RBFOX3: variants seen among roughly 807,000 people sequenced by gnomAD.
The protein encoded by RBFOX3 is RNA binding fox-1 homolog 3, also known as RNA binding protein fox-1 homolog 3.
Under a neutral mutation model 48.7 loss-of-function variants are expected in RBFOX3, and 17 were observed. That is an observed-to-expected ratio of 0.35 (90% CI 0.24 to 0.52). The LOEUF is 0.52. Ranked by LOEUF, RBFOX3 falls within the 20% of genes least tolerant of loss-of-function variation. The pLI is 0.94. For missense variants in RBFOX3, 382 were observed against 497.5 expected (o/e 0.77, Z 2.21); for synonymous variants, 212 against 209.5 (o/e 1.01, Z -0.10).
intron 1 of RBFOX3, among the ~76,000 whole-genome samples, chr17:79,563,482 A>G (rs928034973): frequency 6.6e-6 from 1 of 152,210 alleles, no homozygotes; most frequent in Non-Finnish European, 1.5e-5. Flanking sequence ...CCTACAGCAC[A>G]TTTGATTTCA....
At chr17:79,349,383 C>T (rs1200010711) in intron 2 of RBFOX3, among the ~76,000 whole-genome samples, 1 of 152,088 alleles carries the variant, frequency 6.6e-6, no homozygotes, top group Non-Finnish European at 1.5e-5. Context: ...GATCCTGCCT[C>T]CCGGGGGCCA....
chr17:79,137,195 A>G (rs888427689), intron 4 of RBFOX3, among the ~76,000 whole-genome samples: 21 of 152,036 alleles, frequency 1.4e-4, no homozygotes, highest in Non-Finnish European at 2.9e-4. Flanking sequence ...CTGTGCACAC[A>G]CGCAGGCCTC....
chr17:79,181,749 G>C (rs1313419229), intron 4 of RBFOX3, among the ~76,000 whole-genome samples: 1 of 152,222 alleles, frequency 6.6e-6, no homozygotes, highest in Non-Finnish European at 1.5e-5. Flanking sequence ...ACGTTTGGCA[G>C]TCCCTCATGC....
At chr17:79,177,441 C>T (rs577663479) in intron 4 of RBFOX3, among the ~76,000 whole-genome samples, 2 of 152,306 alleles carry the variant, frequency 1.3e-5, no homozygotes, top group Admixed American at 6.5e-5. Flanking sequence ...AGAGGAGAGG[C>T]GGGAGGCACA....
chr17:79,248,576 A>C (rs1379037803), intron 3 of RBFOX3, among the ~76,000 whole-genome samples: 1 of 152,164 alleles, frequency 6.6e-6, no homozygotes, highest in Non-Finnish European at 1.5e-5. Context: ...TTTCCCTGGG[A>C]GGTAACGATT....
chr17:79,266,165 G>A (rs2066667639), intron 3 of RBFOX3, among the ~76,000 whole-genome samples: 1 of 152,176 alleles, frequency 6.6e-6, no homozygotes, highest in Non-Finnish European at 1.5e-5. Context: ...ATAGCAGCCT[G>A]TTCTCCCATG....
chr17:79,368,215 G>A (rs1418331545), intron 2 of RBFOX3, among the ~76,000 whole-genome samples: 3 of 152,154 alleles, frequency 2.0e-5, no homozygotes, highest in Non-Finnish European at 2.9e-5. Flanking sequence ...CCGTGCCCAC[G>A]TCATTCTGCA....
chr17:79,187,467 A>G (rs1412244524), intron 4 of RBFOX3, among the ~76,000 whole-genome samples: 1 of 152,088 alleles, frequency 6.6e-6, no homozygotes. Flanking sequence ...CGACAAATAC[A>G]TCGTGCTTTC....
At chr17:79,338,078 A>G (rs537950280) in intron 2 of RBFOX3, among the ~76,000 whole-genome samples, 50 of 152,024 alleles carry the variant, frequency 3.3e-4, no homozygotes, top group Non-Finnish European at 3.2e-4. Flanking sequence ...AGCTAGGATT[A>G]CAGGCACCTG....
chr17:79,403,652 G>A (rs2063111903), intron 2 of RBFOX3, among the ~76,000 whole-genome samples: 1 of 152,210 alleles, frequency 6.6e-6, no homozygotes, highest in African/African-American at 2.4e-5. Flanking sequence ...GCTTGGGCAG[G>A]GCGGGGCTTG....
Position 79,097,837 on chromosome 17 carries a change from G to A in RBFOX3, c.569-92C>T, listed in dbSNP as rs2075675747. The A allele has an allele frequency of 3.6e-6, 5 of 1,379,056 alleles. No homozygotes were observed. The African/African-American group carries it at 4.3e-5, about 12-fold the overall frequency. 85.4% of individuals were successfully genotyped at this position (1,379,056 alleles called of 1,614,324 possible). ...TGGGAACCCCAGCGACACCGGTGGA[G>A]CCCTTGGGAACATTCCCAGGGCGCC... On this transcript the variant is annotated intron_variant, in intron 9 of 14. Coordinates refer to ENST00000693108, the MANE Select transcript of RBFOX3 (RefSeq NM_001350451.2).
At chr17:79,193,649 T>C (rs1178811185) in intron 4 of RBFOX3, among the ~76,000 whole-genome samples, 3 of 152,240 alleles carry the variant, frequency 2.0e-5, no homozygotes, top group Admixed American at 1.3e-4. Context: ...TACAGAATTA[T>C]AATGAAGTGG....
At chr17:79,321,240 C>T (rs148408244) in intron 2 of RBFOX3, among the ~76,000 whole-genome samples, 7 of 152,356 alleles carry the variant, frequency 4.6e-5, no homozygotes, top group Admixed American at 2.0e-4. Flanking sequence ...CCTTCTACAA[C>T]GTACAGTGAT....
intron 1 of RBFOX3, among the ~76,000 whole-genome samples, chr17:79,560,227 G>T (rs1040256740): frequency 3.3e-5 from 5 of 152,208 alleles, no homozygotes; most frequent in South Asian, 2.1e-4. Flanking sequence ...TTGCTGGGTG[G>T]TCACCGAGCC....
chr17:79,107,947 CCAA>C (rs1283487901), intron 5 of RBFOX3, among the ~76,000 whole-genome samples: 2 of 152,250 alleles, frequency 1.3e-5, no homozygotes, highest in African/African-American at 4.8e-5. Context: ...CACACTTCCT[CCAA>C]CAATTTAAGC....
chr17:79,158,465 G>A (rs748668501), intron 4 of RBFOX3, among the ~76,000 whole-genome samples: 5 of 152,132 alleles, frequency 3.3e-5, no homozygotes, highest in African/African-American at 9.7e-5. Flanking sequence ...CTGCAAACCT[G>A]CTCCTGTTCT....
the RBFOX3 span, among the ~76,000 whole-genome samples, chr17:79,618,710 G>T: frequency 1.3e-5 from 2 of 152,218 alleles, no homozygotes; most frequent in African/African-American, 4.8e-5. Flanking sequence ...CTGGATACGC[G>T]CTGGAAAAAT....
intron 1 of RBFOX3, among the ~76,000 whole-genome samples, chr17:79,597,098 G>A (rs1439370426): frequency 2.0e-5 from 3 of 152,152 alleles, no homozygotes; most frequent in East Asian, 1.9e-4. Context: ...GGAGACCTCC[G>A]TGGCTGCCAC....
chr17:79,575,189 G>A (rs943622432), intron 1 of RBFOX3, among the ~76,000 whole-genome samples: 7 of 152,212 alleles, frequency 4.6e-5, no homozygotes, highest in Admixed American at 4.6e-4. Context: ...CTGGTTCAAC[G>A]CACACCCAGC....
Sources: allele counts gnomAD v4.1 joint callset (sites outside exome capture counted in the v4.1 genomes callset), GRCh38; gene constraint gnomAD v4.1.1; transcripts MANE v1.5; gene names NCBI Gene and HGNC (gene_info 2026-07-23, HGNC 2026-07-21).